PSEN2: variants seen among roughly 807,000 people sequenced by gnomAD.
PSEN2 encodes the protein presenilin-2.
A neutral mutation model predicts 49.1 loss-of-function variants in PSEN2; 32 were observed. The ratio of observed to expected loss-of-function variants is 0.65; its 90% confidence interval spans 0.49 to 0.88. PSEN2 has a LOEUF of 0.88. Ranked by LOEUF, PSEN2 falls within the 40% of genes least tolerant of loss-of-function variation. The pLI, the probability that PSEN2 is intolerant of heterozygous loss-of-function variation, is 0.00. For synonymous variants in PSEN2, 255 were observed against 244.0 expected (o/e 1.05, Z -0.42); for missense variants, 522 against 586.9 (o/e 0.89, Z 1.14).
downstream of PSEN2, chr1:226,898,979 C>G (rs557621421): frequency 6.6e-6 from 1 of 152,104 alleles, no homozygotes; most frequent in African/African-American, 2.4e-5. Flanking sequence ...TTTTGTCTTA[C>G]GGATATTTAA....
chr1:226,891,771 G>A lies in PSEN2; in HGVS notation c.999G>A (p.Glu333=), dbSNP rs1207316136. 1.2e-6 allele frequency: 2 copies of A among 1,614,172 alleles called. No individual in the cohort carries two copies. The highest frequency in any genetic ancestry group is 1.7e-6 in the Non-Finnish European group (2 of 1,180,012). The change falls in exon 11 of 13, where the codon GAG becomes GAA. Residue 333 remains glutamate (E), a synonymous_variant. Coordinates refer to ENST00000366783, the MANE Select transcript of PSEN2 (RefSeq NM_000447.3). The stretch of plus-strand genomic sequence containing the variant: ...AAGACTCCTATGACAGTTTTGGGGA[G>A]CCTTCATACCCCGAAGTCTTTGAGC... ...MEEDSYDSFG[E]PSYPEVFEPP... is the part of the protein sequence containing the mutation.
At chr1:226,891,245 C>T (rs201117237) in intron 9 of PSEN2, 33 bp from the exon 10 acceptor site, 32 of 1,600,252 alleles carry the variant, frequency 2.0e-5, no homozygotes, top group South Asian at 1.3e-4. Flanking sequence ...CTGTTAGCAC[C>T]GCCTGAGATG....
intron 8 of PSEN2, 86 bp from the exon 9 acceptor site, chr1:226,889,947 TCC>T (rs1661628150): frequency 8.6e-6 from 9 of 1,042,712 alleles, no homozygotes; most frequent in Non-Finnish European, 1.4e-5. Context: ...CTCTGAGAGC[TCC>T]ACCCGGGGCT....
At chr1:226,889,178 C>A (rs1571961480) in intron 8 of PSEN2, 129 bp downstream of exon 8, 1 of 824,344 alleles carries the variant, frequency 1.2e-6, no homozygotes, top group Non-Finnish European at 1.9e-6. Context: ...GGGTGGGATC[C>A]CTCCTGAGAG....
rs117856985 is a variant in PSEN2, at chr1:226,886,451, C to G, written c.498+772C>G. The stretch of plus-strand genomic sequence containing the variant: ...GTAGCCCCAGGGAGTAGTGGAAGGG[C>G]AGATCCCATCTGGCCAGAATCATGG... On this transcript the variant is annotated intron_variant, in intron 6 of 12. Coordinates refer to ENST00000366783, the MANE Select transcript of PSEN2 (RefSeq NM_000447.3). Among the ~76,000 whole-genome samples, 888 of 152,306 alleles carry G rather than the reference C, an allele frequency of 5.8e-3. 28 individuals are homozygous for G. The highest frequency in any genetic ancestry group is 0.057 in the East Asian group (295 of 5,174).
Position 226,888,091 on chromosome 1 carries a change from T to A in PSEN2, c.499T>A (p.Phe167Ile), listed in dbSNP as rs1553268488. ...VVLYKYRCYK[F>I]IHGWLIMSSL... The stretch of plus-strand genomic sequence containing the variant: ...TGATCGTGCAATTTCTGTTGTCTAG[T>A]TCATCCATGGCTGGTTGATCATGTC... The change falls in exon 7 of 13, where the codon TTC becomes ATC. Residue 167 changes from phenylalanine (F) to isoleucine (I), a missense_variant and splice_region_variant. Transcript: ENST00000366783. 6.2e-7 allele frequency: 1 copy of A among 1,613,214 alleles called. No individual in the cohort carries two copies. The highest frequency in any genetic ancestry group is 8.5e-7 in the Non-Finnish European group (1 of 1,179,136).
intron 6 of PSEN2, among the ~76,000 whole-genome samples, chr1:226,886,500 C>G (rs572810729): frequency 1.7e-4 from 26 of 152,314 alleles, no homozygotes; most frequent in Non-Finnish European, 3.7e-4. Context: ...CCAAAGATGC[C>G]ATAAGCTTTT....
intron 5 of PSEN2, among the ~76,000 whole-genome samples, 193 bp from the exon 6 acceptor site, chr1:226,885,345 T>A (rs576749534): frequency 1.7e-4 from 26 of 152,208 alleles, no homozygotes; most frequent in African/African-American, 6.3e-4. Context: ...CACAGGTCTG[T>A]GGTCAGGGTG....
intron 4 of PSEN2, among the ~76,000 whole-genome samples, chr1:226,883,036 A>T (rs1558144353): frequency 6.6e-6 from 1 of 152,198 alleles, no homozygotes; most frequent in Non-Finnish European, 1.5e-5. Flanking sequence ...CACAGTTCCA[A>T]AACACAAATT....
intron 8 of PSEN2, 60 bp downstream of exon 8, chr1:226,889,109 C>A: frequency 1.4e-6 from 2 of 1,479,318 alleles, no homozygotes; most frequent in Admixed American, 1.8e-5. Flanking sequence ...CAAATCGTCC[C>A]CAGTGCTGCA....
chr1:226,891,628 G>T, intron 10 of PSEN2, 115 bp from the exon 11 acceptor site: 1 of 1,007,826 alleles, frequency 9.9e-7, no homozygotes, highest in East Asian at 2.5e-5. Context: ...GGTGCTCAGG[G>T]GGACCCCTTC....
At chr1:226,882,967 T>C (rs907597042) in intron 4 of PSEN2, among the ~76,000 whole-genome samples, 3 of 152,148 alleles carry the variant, frequency 2.0e-5, no homozygotes, top group African/African-American at 7.3e-5. Flanking sequence ...TTTTGTTTCA[T>C]TTGGCTTTTT....
intron 2 of PSEN2, among the ~76,000 whole-genome samples, chr1:226,874,146 T>C (rs1660478717): frequency 1.3e-5 from 2 of 152,218 alleles, no homozygotes; most frequent in Non-Finnish European, 2.9e-5. Context: ...TCTTGACACA[T>C]ACCTGCCCGT....
At chr1:226,877,421 C>G (rs758246220) in intron 3 of PSEN2, among the ~76,000 whole-genome samples, 13 of 152,168 alleles carry the variant, frequency 8.5e-5, no homozygotes, top group Non-Finnish European at 1.9e-4. Flanking sequence ...TGTTTAGTGC[C>G]GGCTAAGGGC....
chr1:226,899,981 T>C (rs1662259435), downstream of PSEN2, among the ~76,000 whole-genome samples: 1 of 152,230 alleles, frequency 6.6e-6, no homozygotes, highest in Non-Finnish European at 1.5e-5. Flanking sequence ...GAAATGTCTT[T>C]ATTTCAAGTG....
intron 12 of PSEN2, among the ~76,000 whole-genome samples, chr1:226,902,493 T>C (rs767581287): frequency 6.6e-6 from 1 of 151,980 alleles, no homozygotes; most frequent in Non-Finnish European, 1.5e-5. Flanking sequence ...CATTTGGGAT[T>C]TGGGGAGAAA....
chr1:226,879,031 T>TTTTA (rs890418096), intron 3 of PSEN2, among the ~76,000 whole-genome samples: 3 of 152,114 alleles, frequency 2.0e-5, no homozygotes, highest in African/African-American at 4.8e-5. Flanking sequence ...CTTCAATTTC[T>TTTTA]TTTATTTATT....
At position 226,891,315 on chromosome 1, in the gene PSEN2, C is replaced by T; in HGVS notation, c.924C>T (p.Asp308=). 2 of 1,613,976 alleles carry T rather than the reference C, an allele frequency of 1.2e-6. No homozygotes were observed. Among genetic ancestry groups the T allele is most frequent in the Admixed American group, 3.3e-5 (2 of 60,014 alleles). ...MVWTVGMAKL[D]PSSQGALQLP... ...GGACGGTTGGCATGGCGAAGCTGGA[C>T]CCCTCCTCTCAGGGTGCCCTCCAGC... The change falls in exon 10 of 13, where the codon GAC becomes GAT. Residue 308 remains aspartate, a synonymous_variant. Transcript: ENST00000366783.
chr1:226,885,475 A>T, intron 5 of PSEN2, 63 bp from the exon 6 acceptor site: 1 of 1,587,402 alleles, frequency 6.3e-7, no homozygotes, highest in Non-Finnish European at 8.6e-7. Context: ...AGAATCACTC[A>T]AGGTGGGGAG....
Sources: allele counts gnomAD v4.1 joint callset (sites outside exome capture counted in the v4.1 genomes callset), GRCh38; gene constraint gnomAD v4.1.1; transcripts MANE v1.5; gene names NCBI Gene and HGNC (gene_info 2026-07-23, HGNC 2026-07-21).